The following KIFC3 variants were observed in gnomAD, a reference collection of about 807,000 sequenced individuals.
The protein encoded by KIFC3 is kinesin family member C3, also known as kinesin-like protein KIFC3.
Under a neutral mutation model 101.8 loss-of-function variants are expected in KIFC3, and 60 were observed. The observed-to-expected ratio is 0.59, with a 90% confidence interval of 0.48 to 0.73. The LOEUF (loss-of-function observed/expected upper bound fraction) is 0.73, where lower values mean the gene tolerates loss of function less well. KIFC3 is among the 30% of genes least tolerant of loss of function. KIFC3 has a pLI of 0.00. For missense variants in KIFC3, 966 were observed against 1,137.1 expected (o/e 0.85, Z 2.16); for synonymous variants, 476 against 482.7 (o/e 0.99, Z 0.18).
chr16:57,843,965 G>C (rs1453973224), intron 1 of KIFC3, among the ~76,000 whole-genome samples: 1 of 151,438 alleles, frequency 6.6e-6, no homozygotes, highest in Non-Finnish European at 1.5e-5. Context: ...ATAATTAGTT[G>C]GGCATGGTGG....
chr16:57,837,560 A>AGAAAGAAAGAAAGAAAGAAAGAAT (rs2055719314), intron 1 of KIFC3, among the ~76,000 whole-genome samples: 1 of 149,824 alleles, frequency 6.7e-6, no homozygotes, highest in African/African-American at 2.5e-5. Flanking sequence ...GAAGGAAGAA[A>AGAAAGAAAGAAAGAAAGAAAGAAT]GAAAGAAAGA....
chr16:57,801,971 G>A (rs1415977037), intron 1 of KIFC3, among the ~76,000 whole-genome samples: 3 of 152,256 alleles, frequency 2.0e-5, no homozygotes, highest in Non-Finnish European at 2.9e-5. Context: ...CCCAAGGGAC[G>A]TGGTGGGAGG....
At chr16:57,814,105 G>A (rs528915321) in intron 1 of KIFC3, among the ~76,000 whole-genome samples, 2 of 152,264 alleles carry the variant, frequency 1.3e-5, no homozygotes, top group Admixed American at 6.5e-5. Context: ...TGCATTCAGA[G>A]CTCTTCACCA....
At chr16:57,805,083 G>A (rs868945449), upstream of KIFC3, among the ~76,000 whole-genome samples, 7 of 151,754 alleles carry the variant, frequency 4.6e-5, no homozygotes, top group East Asian at 3.9e-4. Flanking sequence ...CCCCTGCCTC[G>A]GCCTCCCAAA....
Position 57,832,318 on chromosome 16 carries a change from G to GC in KIFC3, c.108+30410dup, listed in dbSNP as rs1596819234. On this transcript the variant is annotated intron_variant, in intron 1 of 2. Transcript: ENST00000563028. ...TTACAGCCATGAGCCACGGCGCCAGGCCCTTTTTTTTTTTTTTTTTTTTTT... is the reference window on the plus strand; with the variant it reads ...TTACAGCCATGAGCCACGGCGCCAGGCCCCTTTTTTTTTTTTTTTTTTTTTT... Among the ~76,000 whole-genome samples, 3 of 129,566 alleles carry GC rather than the reference G, an allele frequency of 2.3e-5. No homozygotes were observed. In the East Asian group the frequency reaches 6.8e-4, roughly 29 times the overall value. 85.0% of individuals were successfully genotyped at this position (129,566 alleles called of 152,430 possible).
chr16:57,762,174 C>T lies in KIFC3; in HGVS notation c.1714G>A (p.Val572Ile), dbSNP rs782807559. Residue 572 changes from valine to isoleucine, a missense_variant, in exon 13 of 20, where the codon GTC becomes ATC. Transcript: ENST00000445690. ...KASDWEYTIT[V>I]SAAEIYNEVL... ...TCATTGTAGATCTCCGCAGCGCTGA[C>T]GGTGATGGTGTACTCCCAGTCAGAC... 9 of 1,609,230 alleles carry T rather than the reference C, an allele frequency of 5.6e-6. No individual in the cohort carries two copies. The highest frequency in any genetic ancestry group is 1.6e-4 in the Middle Eastern group (1 of 6,064).
chr16:57,837,577 G>GAAAGAAAGAAAGAAAGAAAGAA (rs1377537360), intron 1 of KIFC3, among the ~76,000 whole-genome samples: 1 of 151,716 alleles, frequency 6.6e-6, no homozygotes, highest in African/African-American at 2.4e-5. Context: ...AAGAAAGAAA[G>GAAAGAAAGAAAGAAAGAAAGAA]AAAGAGTAGC....
chr16:57,823,445 T>C (rs1283081009), intron 1 of KIFC3, among the ~76,000 whole-genome samples: 1 of 152,232 alleles, frequency 6.6e-6, no homozygotes, highest in East Asian at 1.9e-4. Flanking sequence ...GTCATGGGCA[T>C]GTCCTTAACC....
intron 3 of KIFC3, among the ~76,000 whole-genome samples, chr16:57,791,803 G>T (rs782258852): frequency 5.9e-5 from 9 of 152,222 alleles, no homozygotes; most frequent in Non-Finnish European, 1.2e-4. Flanking sequence ...TCAAGACAGA[G>T]TAAAGAGCGG....
At chr16:57,778,352 A>G (rs2052359580) in intron 3 of KIFC3, among the ~76,000 whole-genome samples, 1 of 152,266 alleles carries the variant, frequency 6.6e-6, no homozygotes. Flanking sequence ...AAGAAAATAG[A>G]GGAGAAAATG....
intron 1 of KIFC3, among the ~76,000 whole-genome samples, chr16:57,853,019 A>G (rs1297321007): frequency 1.3e-5 from 2 of 152,228 alleles, no homozygotes; most frequent in African/African-American, 4.8e-5. Context: ...AGAAAGAAAT[A>G]TATACCTAGA....
chr16:57,761,127 G>A lies in KIFC3; in HGVS notation c.1917C>T (p.Asn639=). ...GCGAGCGGGAGCTGTGCTCGTTCAG[G>A]TTGGTGAACTCGGTCGTGCGATTAG... ...GHTNRTTEFT[N]LNEHSSRSHA... The change falls in exon 15 of 20, where the codon AAC becomes AAT. Residue 639 remains asparagine, a synonymous_variant. Coordinates refer to ENST00000445690, the MANE Select transcript of KIFC3 (RefSeq NM_001130100.2). 2 of 1,614,014 alleles carry A rather than the reference G, an allele frequency of 1.2e-6. No homozygotes were observed. Among genetic ancestry groups the A allele is most frequent in the Non-Finnish European group, 1.7e-6 (2 of 1,179,974 alleles).
chr16:57,860,491 A>C (rs2056281798), intron 1 of KIFC3, among the ~76,000 whole-genome samples: 2 of 152,190 alleles, frequency 1.3e-5, no homozygotes, highest in South Asian at 2.1e-4. Flanking sequence ...CTGGACATCC[A>C]AATGATAATT....
intron 4 of KIFC3, 27 bp from the exon 5 acceptor site, chr16:57,771,713 G>A (rs200433698): frequency 2.4e-5 from 39 of 1,599,028 alleles, no homozygotes; most frequent in South Asian, 2.1e-4. Context: ...CCGAGGGGGC[G>A]CATGTGGCGA....
intron 1 of KIFC3, among the ~76,000 whole-genome samples, chr16:57,827,124 T>C (rs2055475131): frequency 6.6e-6 from 1 of 152,210 alleles, no homozygotes; most frequent in African/African-American, 2.4e-5. Context: ...GACCCCGTCA[T>C]CTCTCATTCA....
At chr16:57,793,299 T>G (rs1272313260) in intron 3 of KIFC3, among the ~76,000 whole-genome samples, 1 of 120,388 alleles carries the variant, frequency 8.3e-6, no homozygotes, top group Non-Finnish European at 1.8e-5. Context: ...AAAAAAAAAA[T>G]CATATAAATA....
At chr16:57,829,160 A>G (rs782078416) in intron 1 of KIFC3, among the ~76,000 whole-genome samples, 1 of 152,246 alleles carries the variant, frequency 6.6e-6, no homozygotes, top group Non-Finnish European at 1.5e-5. Flanking sequence ...ATGATTTCAT[A>G]TATAAAATTA....
At chr16:57,812,044 CTCT>C (rs199573676) in intron 1 of KIFC3, among the ~76,000 whole-genome samples, 3,485 of 148,172 alleles carry the variant, frequency 0.024, 135 homozygotes, top group African/African-American at 0.081. Context: ...CCCCGTCTCT[CTCT>C]TTTTTTTTTT....
At chr16:57,794,396 T>C (rs985473041) in intron 3 of KIFC3, among the ~76,000 whole-genome samples, 3 of 151,884 alleles carry the variant, frequency 2.0e-5, no homozygotes, top group African/African-American at 4.8e-5. Context: ...TAATTTTTTA[T>C]TTTTCTTTTT....
Sources: allele counts gnomAD v4.1 joint callset (sites outside exome capture counted in the v4.1 genomes callset), GRCh38; gene constraint gnomAD v4.1.1; transcripts MANE v1.5; gene names NCBI Gene and HGNC (gene_info 2026-07-23, HGNC 2026-07-21).